The following THSD7B variants were observed in gnomAD, a reference collection of about 807,000 sequenced individuals.
The protein encoded by THSD7B is thrombospondin type-1 domain-containing protein 7B.
In THSD7B, 138 loss-of-function variants were observed where a neutral mutation model predicts 213.6. The ratio of observed to expected loss-of-function variants is 0.65; its 90% CI spans 0.56 to 0.74. The LOEUF (loss-of-function observed/expected upper bound fraction) is 0.74, where lower values mean the gene tolerates loss of function less well. THSD7B is among the 30% of genes least tolerant of loss of function. THSD7B has a pLI of 0.00. For synonymous variants in THSD7B, 742 were observed against 687.0 expected (o/e 1.08, Z -1.25); for missense variants, 1,931 against 1,991.5 (o/e 0.97, Z 0.58).
chr2:137,452,877 C>A (rs1687680843), intron 15 of THSD7B, among the ~76,000 whole-genome samples: 1 of 151,970 alleles, frequency 6.6e-6, no homozygotes, highest in East Asian at 1.9e-4. Flanking sequence ...GCACTTATAC[C>A]CTTGGGAAGT....
chr2:137,671,869 AC>A (rs1454059865), intron 27 of THSD7B, among the ~76,000 whole-genome samples: 1 of 152,036 alleles, frequency 6.6e-6, no homozygotes, highest in Non-Finnish European at 1.5e-5. Flanking sequence ...TTGGTACTCT[AC>A]CTGTTCATTA....
At chr2:136,866,663 A>G (rs1399565494) in intron 1 of THSD7B, among the ~76,000 whole-genome samples, 1 of 152,202 alleles carries the variant, frequency 6.6e-6, no homozygotes, top group Admixed American at 6.5e-5. Context: ...TTTGTTTGGT[A>G]TTTAATTTTT....
chr2:136,916,294 A>G (rs983513439), intron 2 of THSD7B, among the ~76,000 whole-genome samples: 1 of 152,182 alleles, frequency 6.6e-6, no homozygotes, highest in Admixed American at 6.5e-5. Flanking sequence ...CAGTGAGAAT[A>G]TTCCGGTCTA....
intron 14 of THSD7B, among the ~76,000 whole-genome samples, chr2:137,419,528 G>A (rs1686877414): frequency 2.0e-5 from 3 of 151,560 alleles, no homozygotes; most frequent in African/African-American, 7.3e-5. Flanking sequence ...CCTCAGTGTG[G>A]CTGGGTCCAG....
intron 15 of THSD7B, among the ~76,000 whole-genome samples, chr2:137,517,004 C>T (rs1488999498): frequency 6.6e-6 from 1 of 152,142 alleles, no homozygotes; most frequent in Non-Finnish European, 1.5e-5. Flanking sequence ...TAAGCTTAAC[C>T]AAGTGGTGAC....
chr2:136,782,425 A>G (rs13412066), intron 1 of THSD7B, among the ~76,000 whole-genome samples: 23,818 of 152,076 alleles, frequency 0.16, 2,642 homozygotes, highest in African/African-American at 0.3. Flanking sequence ...TTGCATTTCA[A>G]TTGTCAAAAA....
intron 2 of THSD7B, chr2:136,990,823 C>T: frequency 1.6e-6 from 2 of 1,246,590 alleles, no homozygotes; most frequent in Non-Finnish European, 2.1e-6. Flanking sequence ...GATGGTGTTT[C>T]TTCTGAGTAC....
intron 7 of THSD7B, among the ~76,000 whole-genome samples, chr2:137,204,941 C>A (rs184712699): frequency 6.6e-6 from 1 of 152,172 alleles, no homozygotes; most frequent in East Asian, 1.9e-4. Flanking sequence ...TGGACAAAAT[C>A]TTCGTCATCA....
Position 137,018,979 on chromosome 2 carries a change from A to G in THSD7B, c.140-37441A>G, listed in dbSNP as rs186063434. Among the ~76,000 whole-genome samples, 636 of 152,266 alleles carry G rather than the reference A, an allele frequency of 4.2e-3. 4 individuals carry two copies. Among genetic ancestry groups the G allele is most frequent in the African/African-American group, 0.014 (579 of 41,566 alleles). On this transcript the variant is annotated intron_variant, in intron 2 of 27. Transcript: ENST00000409968. ...CATTGTCATAATCTCAGTTGGCTAA[A>G]GATTTTAGTCTCAGCCTCCAGTCCT...
chr2:137,069,485 G>A (rs530979535), intron 3 of THSD7B, among the ~76,000 whole-genome samples: 1 of 152,138 alleles, frequency 6.6e-6, no homozygotes, highest in Non-Finnish European at 1.5e-5. Context: ...TGATAGAGAG[G>A]AACGTTTGGT....
At chr2:136,806,592 C>T (rs563528901) in intron 1 of THSD7B, among the ~76,000 whole-genome samples, 9 of 152,230 alleles carry the variant, frequency 5.9e-5, no homozygotes, top group Non-Finnish European at 1.0e-4. Context: ...AGGAGAGATG[C>T]GAAGATAGTA....
chr2:136,926,305 G>A (rs1290738288), intron 2 of THSD7B, among the ~76,000 whole-genome samples: 1 of 151,606 alleles, frequency 6.6e-6, no homozygotes, highest in Non-Finnish European at 1.5e-5. Context: ...CTGACTCCCT[G>A]CCTTTTCTGG....
intron 15 of THSD7B, among the ~76,000 whole-genome samples, chr2:137,487,120 G>A (rs1688466150): frequency 6.7e-6 from 1 of 150,372 alleles, no homozygotes; most frequent in African/African-American, 2.5e-5. Context: ...TGTAATCCCA[G>A]CACTTTGGGA....
chr2:137,128,421 C>A (rs1688665735), intron 5 of THSD7B, among the ~76,000 whole-genome samples: 1 of 152,152 alleles, frequency 6.6e-6, no homozygotes, highest in Admixed American at 6.6e-5. Context: ...ACACAAATCA[C>A]TCATGGTACT....
intron 20 of THSD7B, among the ~76,000 whole-genome samples, chr2:137,636,774 G>T (rs1682840748): frequency 1.3e-5 from 2 of 152,146 alleles, no homozygotes; most frequent in South Asian, 4.1e-4. Flanking sequence ...TTGTTAATTG[G>T]AGAGAACTAT....
chr2:137,325,693 T>G (rs1382763241), intron 12 of THSD7B, among the ~76,000 whole-genome samples: 5 of 152,220 alleles, frequency 3.3e-5, no homozygotes, highest in East Asian at 1.9e-4. Flanking sequence ...TGATATATGT[T>G]TATTATATTT....
intron 12 of THSD7B, among the ~76,000 whole-genome samples, chr2:137,290,394 A>G (rs1683298568): frequency 6.6e-6 from 1 of 151,936 alleles, no homozygotes; most frequent in Non-Finnish European, 1.5e-5. Context: ...CAGCCCAAAG[A>G]GTTTTCTTTC....
In THSD7B at chr2:137,219,644, A is replaced by G. The variant is rs574521725; in HGVS notation, c.1724-11400A>G. Among the ~76,000 whole-genome samples, 3 of 152,280 alleles carry G rather than the reference A, an allele frequency of 2.0e-5. No individual in the cohort carries two copies. In the East Asian group the frequency reaches 5.8e-4, roughly 29 times the overall value. Reference sequence around the variant, plus strand: ...TTACTGTCACAATTATATCATAAAAACTAGTAGGAGCAAATACTGTAAAAG... The same window carrying G: ...TTACTGTCACAATTATATCATAAAAGCTAGTAGGAGCAAATACTGTAAAAG... On this transcript the variant is annotated intron_variant, in intron 7 of 27. Coordinates refer to ENST00000409968, the MANE Select transcript of THSD7B (RefSeq NM_001316349.2).
intron 9 of THSD7B, among the ~76,000 whole-genome samples, chr2:137,239,580 A>T (rs562379769): frequency 1.3e-5 from 2 of 152,196 alleles, no homozygotes; most frequent in Non-Finnish European, 2.9e-5. Context: ...TTTTTCACAG[A>T]AGAGCCATGT....
Sources: gnomAD v4.1 joint callset for allele counts (sites outside exome capture counted in the v4.1 genomes callset) on GRCh38, gnomAD v4.1.1 for gene constraint, MANE v1.5 for transcripts, NCBI Gene and HGNC (gene_info 2026-07-23, HGNC 2026-07-21) for gene names.